Variants in YTHDF3 observed in about 807,000 individuals in gnomAD.
YTHDF3 encodes YTH domain-containing family protein 3.
A neutral mutation model predicts 52.5 loss-of-function variants in YTHDF3; 9 were observed. The ratio of observed to expected loss-of-function variants is 0.17; its 90% CI spans 0.10 to 0.30. The LOEUF is 0.30. Among genes scored for constraint, YTHDF3 ranks in the 10% least tolerant of loss-of-function variants. The pLI, the probability that YTHDF3 is intolerant of heterozygous loss-of-function variation, is 1.00. For synonymous variants in YTHDF3, 274 were observed against 243.3 expected (o/e 1.13, Z -1.18); for missense variants, 534 against 715.0 (o/e 0.75, Z 2.89).
intron 4 of YTHDF3, among the ~76,000 whole-genome samples, chr8:63,192,876 T>C (rs1350581933): frequency 1.3e-5 from 2 of 151,920 alleles, no homozygotes; most frequent in African/African-American, 4.8e-5. Flanking sequence ...GGTTTTAATA[T>C]GGCCTTATCT....
intron 4 of YTHDF3, among the ~76,000 whole-genome samples, chr8:63,201,101 T>A (rs1177084504): frequency 6.6e-6 from 1 of 152,246 alleles, no homozygotes; most frequent in Non-Finnish European, 1.5e-5. Flanking sequence ...GGAATCATTT[T>A]TAAAGTTTTT....
intron 4 of YTHDF3, among the ~76,000 whole-genome samples, chr8:63,203,460 G>A (rs573314059): frequency 7.9e-5 from 12 of 152,202 alleles, no homozygotes; most frequent in African/African-American, 2.6e-4. Context: ...TAAATTTAGT[G>A]ATTTTTAAAA....
At chr8:63,191,360 C>G (rs573941767) in intron 4 of YTHDF3, among the ~76,000 whole-genome samples, 1 of 151,952 alleles carries the variant, frequency 6.6e-6, no homozygotes, top group African/African-American at 2.4e-5. Context: ...TTTTCCTGCT[C>G]ACATATTTTT....
intron 4 of YTHDF3, among the ~76,000 whole-genome samples, chr8:63,193,483 T>C (rs981112226): frequency 6.6e-6 from 1 of 151,266 alleles, no homozygotes; most frequent in Admixed American, 6.6e-5. Flanking sequence ...TAAGCTAGTG[T>C]GGTGGTGCAT....
intron 4 of YTHDF3, chr8:63,188,675 T>TTA (rs1563404059): frequency 5.3e-4 from 47 of 88,988 alleles, no homozygotes; most frequent in African/African-American, 1.9e-3. Context: ...TTATAAGAAA[T>TTA]TACATATATA....
chr8:63,193,991 C>T (rs1392213453), intron 4 of YTHDF3, among the ~76,000 whole-genome samples: 1 of 151,068 alleles, frequency 6.6e-6, no homozygotes, highest in Non-Finnish European at 1.5e-5. Flanking sequence ...CTAATAGAAA[C>T]TTTCATGTAT....
At chr8:63,208,465 C>T (rs564548906) in intron 4 of YTHDF3, among the ~76,000 whole-genome samples, 2 of 152,204 alleles carry the variant, frequency 1.3e-5, no homozygotes, top group East Asian at 3.9e-4. Flanking sequence ...TGTTAAACAC[C>T]AGTGGTTTTC....
intron 4 of YTHDF3, among the ~76,000 whole-genome samples, chr8:63,202,027 A>G (rs1351129577): frequency 6.6e-6 from 1 of 152,176 alleles, no homozygotes; most frequent in Non-Finnish European, 1.5e-5. Flanking sequence ...CCCTCATTCA[A>G]CAGATAAATA....
In YTHDF3 at chr8:63,186,136, T is replaced by G; in HGVS notation, c.136-11T>G. The G allele has an allele frequency of 6.3e-7, 1 of 1,589,384 alleles. No homozygotes were observed. The highest frequency in any genetic ancestry group is 8.6e-7 in the Non-Finnish European group (1 of 1,163,202). On this transcript the variant is annotated splice_polypyrimidine_tract_variant and intron_variant, in intron 3 of 4. Transcript: ENST00000539294. Reference sequence around the variant, plus strand: ...ACATTTCGCTACTGATTGTGATATTTTGTTTTGCAGAGTAACAGCTATCCA... The same window carrying G: ...ACATTTCGCTACTGATTGTGATATTGTGTTTTGCAGAGTAACAGCTATCCA...
In YTHDF3 at chr8:63,211,227, GA is replaced by G. The variant is rs1287659453; in HGVS notation, c.*1528del. The G allele has an allele frequency of 2.0e-5, 3 of 152,288 alleles. No homozygotes were observed. The highest frequency in any genetic ancestry group is 2.1e-4 in the South Asian group (1 of 4,806). The allele number at this position is 152,288 out of a possible 1,614,324, so 9.4% of individuals were successfully genotyped here. Reference sequence around the variant, plus strand: ...AAATGTGCAAATACTGTATTCAAGTGAAAAAAATACAGTATTTGTAGATAAC... The same window carrying G: ...AAATGTGCAAATACTGTATTCAAGTGAAAAAATACAGTATTTGTAGATAAC... On this transcript the variant is annotated 3_prime_UTR_variant, in exon 5 of 5. Coordinates refer to ENST00000539294, the MANE Select transcript of YTHDF3 (RefSeq NM_152758.6).
intron 2 of YTHDF3, among the ~76,000 whole-genome samples, chr8:63,171,881 G>A (rs1252614876): frequency 6.6e-6 from 1 of 152,080 alleles, no homozygotes; most frequent in Non-Finnish European, 1.5e-5. Context: ...TTTCTTTTCT[G>A]AATTGTCTTT....
intron 2 of YTHDF3, 68 bp from the exon 3 acceptor site, chr8:63,175,260 TAAA>T: frequency 8.7e-7 from 1 of 1,150,544 alleles, no homozygotes; most frequent in East Asian, 2.6e-5. Context: ...TGAAAAATAT[TAAA>T]AACATTAGGT....
chr8:63,211,193 G>T lies in YTHDF3; in HGVS notation c.*1487G>T, dbSNP rs1810351630. 1 of 151,914 alleles carries T rather than the reference G, an allele frequency of 6.6e-6. No individual in the cohort carries two copies. The highest frequency in any genetic ancestry group is 1.5e-5 in the Non-Finnish European group (1 of 67,820). 9.4% of individuals were successfully genotyped at this position (151,914 alleles called of 1,614,324 possible). ...TTTATATAATTTTATTTTGTACAATGTTTTTTTTAAATGTGCAAATACTGT... is the reference window on the plus strand; with the variant it reads ...TTTATATAATTTTATTTTGTACAATTTTTTTTTTAAATGTGCAAATACTGT... On this transcript the variant is annotated 3_prime_UTR_variant, in exon 5 of 5. Coordinates refer to ENST00000539294, the MANE Select transcript of YTHDF3 (RefSeq NM_152758.6).
intron 3 of YTHDF3, among the ~76,000 whole-genome samples, chr8:63,177,474 A>G (rs1404729618): frequency 6.6e-6 from 1 of 152,204 alleles, no homozygotes; most frequent in Non-Finnish European, 1.5e-5. Flanking sequence ...AAGTTTTAAA[A>G]TAAGCGTGAT....
chr8:63,207,499 T>A (rs1400622633), intron 4 of YTHDF3, among the ~76,000 whole-genome samples: 2 of 152,170 alleles, frequency 1.3e-5, no homozygotes. Flanking sequence ...AAACTCATTC[T>A]TTTTCTGTCC....
intron 3 of YTHDF3, among the ~76,000 whole-genome samples, chr8:63,183,534 A>T (rs1449669018): frequency 6.6e-6 from 1 of 152,116 alleles, no homozygotes; most frequent in East Asian, 1.9e-4. Context: ...TCTTTTCTTT[A>T]TAGATGTATT....
Position 63,169,424 on chromosome 8 carries a change from T to G in YTHDF3, c.49+13T>G, listed in dbSNP as rs1282918786. The G allele has an allele frequency of 6.3e-7, 1 of 1,579,232 alleles. No individual in the cohort carries two copies. Among genetic ancestry groups the G allele is most frequent in the East Asian group, 2.3e-5 (1 of 44,064 alleles). On this transcript the variant is annotated intron_variant, in intron 2 of 4. Coordinates refer to ENST00000539294, the MANE Select transcript of YTHDF3 (RefSeq NM_152758.6). ...CAAGGAAATAAAGGTGAGTTTGGAT[T>G]TTTTTTTTTCTTATTGCTCAATGTT... is the stretch of plus-strand genomic sequence containing the variant.
intron 4 of YTHDF3, among the ~76,000 whole-genome samples, chr8:63,204,342 ATTT>A (rs756401322): frequency 6.8e-6 from 1 of 147,084 alleles, no homozygotes; most frequent in Non-Finnish European, 1.5e-5. Context: ...TTAGCTACAA[ATTT>A]TTTTGTGTGT....
chr8:63,170,553 G>A (rs902156814), intron 2 of YTHDF3, among the ~76,000 whole-genome samples: 1 of 151,384 alleles, frequency 6.6e-6, no homozygotes, highest in African/African-American at 2.4e-5. Context: ...AATTTTTTTT[G>A]TTGTAAGCAT....
Sources: gnomAD v4.1 joint callset for allele counts (sites outside exome capture counted in the v4.1 genomes callset) on GRCh38, gnomAD v4.1.1 for gene constraint, MANE v1.5 for transcripts, NCBI Gene and HGNC (gene_info 2026-07-23, HGNC 2026-07-21) for gene names.